The following ZBTB46 variants were observed in gnomAD, a reference collection of about 807,000 sequenced individuals.
ZBTB46 encodes zinc finger and BTB domain containing 46.
Under a neutral mutation model 44.1 loss-of-function variants are expected in ZBTB46, and 8 were observed. The ratio of observed to expected loss-of-function variants is 0.18; its 90% CI spans 0.11 to 0.33. The LOEUF (loss-of-function observed/expected upper bound fraction) is 0.33. ZBTB46 is among the 10% of genes least tolerant of loss of function. The pLI is 1.00. For missense variants in ZBTB46, 651 were observed against 847.7 expected, an observed-to-expected ratio of 0.77 and a Z score of 2.88; for synonymous variants, 409 against 382.3, an observed-to-expected ratio of 1.07 and a Z score of -0.81.
intron 3 of ZBTB46, among the ~76,000 whole-genome samples, chr20:63,760,541 C>T (rs1278193495): frequency 1.3e-5 from 2 of 151,882 alleles, no homozygotes; most frequent in Non-Finnish European, 2.9e-5. Context: ...TCTCGATTCA[C>T]TGCAAGCTCC....
At chr20:63,756,468 A>G (rs1443429925) in intron 3 of ZBTB46, among the ~76,000 whole-genome samples, 1 of 152,260 alleles carries the variant, frequency 6.6e-6, no homozygotes, top group Non-Finnish European at 1.5e-5. Flanking sequence ...GGATCCAAAC[A>G]TCAACTGTTC....
chr20:63,764,603 CTGT>C (rs1300929939), intron 3 of ZBTB46, among the ~76,000 whole-genome samples: 1 of 121,998 alleles, frequency 8.2e-6, no homozygotes, highest in Non-Finnish European at 1.7e-5. Flanking sequence ...CATTTTTTCT[CTGT>C]TTTTTTTTTT....
intron 3 of ZBTB46, among the ~76,000 whole-genome samples, chr20:63,772,351 T>C (rs6089772): frequency 0.95 from 144,171 of 152,304 alleles, 68,319 homozygotes; most frequent in East Asian, 0.99. Flanking sequence ...AAAAATGAGG[T>C]TAGAACTTAA....
intron 3 of ZBTB46, among the ~76,000 whole-genome samples, chr20:63,753,840 C>T (rs2092194630): frequency 6.6e-6 from 1 of 152,262 alleles, no homozygotes; most frequent in African/African-American, 2.4e-5. Flanking sequence ...TGTTTTCACC[C>T]TTGTGGACCC....
At chr20:63,816,039 G>T (rs2092753860) in intron 1 of ZBTB46, among the ~76,000 whole-genome samples, 1 of 145,862 alleles carries the variant, frequency 6.9e-6, no homozygotes. Flanking sequence ...GGGCACAGGT[G>T]CGGTGGGTGC....
chr20:63,751,019 A>G (rs2092155736), intron 4 of ZBTB46, among the ~76,000 whole-genome samples: 1 of 152,246 alleles, frequency 6.6e-6, no homozygotes, highest in African/African-American at 2.4e-5. Flanking sequence ...TTTGCTGAAG[A>G]AAGACGTTGC....
chr20:63,743,804 C>G lies in ZBTB46; in HGVS notation c.*3126G>C, dbSNP rs561633760. The G allele has an allele frequency of 1.3e-5, 2 of 152,514 alleles. No individual in the cohort carries two copies. Among genetic ancestry groups the G allele is most frequent in the Non-Finnish European group, 2.9e-5 (2 of 68,056 alleles). The allele number at this position is 152,514 out of a possible 1,614,324, so 9.4% of individuals were successfully genotyped here. On this transcript the variant is annotated 3_prime_UTR_variant, in exon 5 of 5. Transcript: ENST00000245663. ...TCACCGCAGAGGCCACGTGAACCCA[C>G]GGCCACAGAGAGGCAGGACGGCAGA...
At chr20:63,750,045 G>T (rs1304568253) in intron 4 of ZBTB46, among the ~76,000 whole-genome samples, 2 of 152,176 alleles carry the variant, frequency 1.3e-5, no homozygotes, top group Non-Finnish European at 2.9e-5. Flanking sequence ...AGCCACTGGT[G>T]CTCTTCCTGG....
chr20:63,793,068 C>T (rs975561469), intron 1 of ZBTB46, among the ~76,000 whole-genome samples: 1 of 152,254 alleles, frequency 6.6e-6, no homozygotes, highest in Admixed American at 6.5e-5. Context: ...CGGCGGTGAC[C>T]GCTGACCATT....
At chr20:63,828,702 C>A (rs6011171) in intron 1 of ZBTB46, among the ~76,000 whole-genome samples, 26,663 of 152,228 alleles carry the variant, frequency 0.18, 2,798 homozygotes, top group East Asian at 0.46. Flanking sequence ...ACTGGGTGTG[C>A]GGATGGGAAG....
rs66530672 is a variant in ZBTB46 at position 63,751,722 on chromosome 20, CA to C, written c.1398+963del. On this transcript the variant is annotated intron_variant, in intron 4 of 4. Transcript: ENST00000245663. ...TAAAGCCCCGCCCCCCGGTGGGTCG[CA>C]CCATGAAGCCCCGCCCCCCGGTGGG... is the stretch of plus-strand genomic sequence containing the variant. Among the ~76,000 whole-genome samples the C allele has an allele frequency of 1.3e-3, 132 of 101,218 alleles. 7 individuals carry two copies. The highest frequency in any genetic ancestry group is 3.9e-3 in the African/African-American group (80 of 20,358). 66.4% of individuals were successfully genotyped at this position (101,218 alleles called of 152,430 possible). A position where few individuals can be genotyped will look rare whatever the true frequency, so the allele number is the denominator to read the frequency against.
Position 63,767,819 on chromosome 20 carries a change from C to T in ZBTB46, c.1222+7859G>A, listed in dbSNP as rs1316354208. ...TGGCTGCCCCCAGGGCTGGGCAAGT[C>T]CATCCAGGGCTGGGCAAGTCCATCC... On this transcript the variant is annotated intron_variant, in intron 3 of 4. Coordinates refer to ENST00000245663, the MANE Select transcript of ZBTB46 (RefSeq NM_001369741.1). This position sits in a 1 kb window ranked among gnomAD's most constrained non-coding sequence, Gnocchi z 5.0. 5.2e-6 allele frequency: 5 copies of T among 953,560 alleles called. No individual in the cohort carries two copies. Among genetic ancestry groups the T allele is most frequent in the Non-Finnish European group, 6.2e-6 (5 of 802,026 alleles). The allele number at this position is 953,560 out of a possible 1,614,324, so 59.1% of individuals were successfully genotyped here.
intron 2 of ZBTB46, among the ~76,000 whole-genome samples, chr20:63,784,498 T>TG (rs769198260): frequency 1.3e-5 from 2 of 152,240 alleles, no homozygotes; most frequent in Admixed American, 6.5e-5. Context: ...CTTAGGCATG[T>TG]GTGGGGCCAT....
chr20:63,779,240 AATTT>A (rs1438743905), intron 2 of ZBTB46, among the ~76,000 whole-genome samples: 3 of 150,778 alleles, frequency 2.0e-5, no homozygotes, highest in African/African-American at 2.4e-5. Context: ...TTAATTAATT[AATTT>A]ATTTATTTAT....
chr20:63,793,641 C>CA (rs923838127), intron 1 of ZBTB46, among the ~76,000 whole-genome samples: 7 of 151,964 alleles, frequency 4.6e-5, no homozygotes, highest in African/African-American at 1.2e-4. Context: ...AAAACAACAA[C>CA]AAAAAAAATG....
intron 1 of ZBTB46, among the ~76,000 whole-genome samples, chr20:63,823,888 G>GTGTGTGTGTGTGTGT (rs1414023978): frequency 1.6e-4 from 24 of 151,666 alleles, no homozygotes; most frequent in African/African-American, 5.6e-4. Flanking sequence ...GTGTGTGTGT[G>GTGTGTGTGTGTGTGT]TTCTTTGGGA....
chr20:63,818,802 G>A, intron 1 of ZBTB46, among the ~76,000 whole-genome samples: 1 of 150,188 alleles, frequency 6.7e-6, no homozygotes, highest in Non-Finnish European at 1.5e-5. Flanking sequence ...AGGTTGCAAG[G>A]CAGAGGTTGC....
At chr20:63,765,049 GTGTGTA>G (rs887590601) in intron 3 of ZBTB46, among the ~76,000 whole-genome samples, 33 of 7,288 alleles carry the variant, frequency 4.5e-3, no homozygotes, top group Non-Finnish European at 8.8e-3. Context: ...GCGTGCGTGT[GTGTGTA>G]TGTTTGTATG....
In ZBTB46 at chr20:63,804,444, C is replaced by G. The variant is rs544334363; in HGVS notation, c.-33-13654G>C. Among the ~76,000 whole-genome samples, 3 of 152,328 alleles carry G rather than the reference C, an allele frequency of 2.0e-5. No individual in the cohort carries two copies. In the South Asian group the frequency reaches 6.2e-4, roughly 32 times the overall value. ...AGCCCTCTCAGCCAATGGACACAGC[C>G]TCCCCCTCCTCCAGGAAGCCCTCCC... On this transcript the variant is annotated intron_variant, in intron 1 of 4. Transcript: ENST00000245663.
Sources: allele counts gnomAD v4.1 joint callset (sites outside exome capture counted in the v4.1 genomes callset), GRCh38; gene constraint gnomAD v4.1.1; non-coding constraint Gnocchi (gnomAD v3.1); transcripts MANE v1.5; gene names NCBI Gene and HGNC (gene_info 2026-07-23, HGNC 2026-07-21).